The following CTSB variants were observed in gnomAD, a reference collection of about 807,000 sequenced individuals.
The protein encoded by CTSB is APP secretase.
A neutral mutation model predicts 44.3 loss-of-function variants in CTSB; 57 were observed. The ratio of observed to expected loss-of-function variants is 1.29; its 90% CI spans 1.04 to 1.60. CTSB has a LOEUF of 1.60. Ranked by LOEUF, CTSB falls within the 40% of genes most tolerant of loss-of-function variation. The pLI, the probability that CTSB is intolerant of heterozygous loss-of-function variation, is 0.00. For missense variants in CTSB, 768 were observed against 443.0 expected, an observed-to-expected ratio of 1.73 and a Z score of -6.59; for synonymous variants, 320 against 168.0, an observed-to-expected ratio of 1.91 and a Z score of -7.00.
rs146909557 is a variant in CTSB, at chr8:11,845,734, C to T, written c.849G>A (p.Leu283=). 728 of 1,614,160 alleles carry T rather than the reference C, an allele frequency of 4.5e-4. 4 individuals carry two copies. In the African/African-American group the frequency reaches 7.6e-3, roughly 17 times the overall value. ...EMMGGHAIRI[L]GWGVENGTPY... is the part of the protein sequence containing the mutation. Reference sequence around the variant, plus strand: ...GTGTGCCATTCTCCACTCCCCAGCCCAGGATGCGGATGGCATGGCCACCCA... The same window carrying T: ...GTGTGCCATTCTCCACTCCCCAGCCTAGGATGCGGATGGCATGGCCACCCA... The change falls in exon 9 of 10, where the codon CTG becomes CTA. Residue 283 remains leucine (L), a synonymous_variant. Coordinates refer to ENST00000353047, the MANE Select transcript of CTSB (RefSeq NM_001908.5).
At chr8:11,845,409 G>A (rs373539510) in intron 9 of CTSB, among the ~76,000 whole-genome samples, 187 bp from the exon 10 acceptor site, 25 of 152,174 alleles carry the variant, frequency 1.6e-4, no homozygotes, top group Admixed American at 1.2e-3. Context: ...CCCCCTGCCC[G>A]GTCACCCTTC....
chr8:11,864,898 G>C (rs1816906165), intron 1 of CTSB, among the ~76,000 whole-genome samples: 1 of 65,946 alleles, frequency 1.5e-5, no homozygotes, highest in Non-Finnish European at 2.9e-5. Context: ...GGGTGACAGA[G>C]TGAAACTGTC....
At chr8:11,861,520 CA>C (rs1227989514) in intron 1 of CTSB, 4 of 152,336 alleles carry the variant, frequency 2.6e-5, no homozygotes, top group Admixed American at 1.3e-4. Flanking sequence ...ACAGCAACCC[CA>C]CATCCTGCAG....
At chr8:11,847,844 C>G (rs751320720) in intron 6 of CTSB, 22 bp from the exon 7 acceptor site, 1 of 1,579,946 alleles carries the variant, frequency 6.3e-7, no homozygotes, top group South Asian at 1.2e-5. Flanking sequence ...CGGGAGAAAG[C>G]GGAGTCAACC....
chr8:11,852,244 G>A (rs570948607), intron 3 of CTSB, among the ~76,000 whole-genome samples: 1 of 152,104 alleles, frequency 6.6e-6, no homozygotes, highest in African/African-American at 2.4e-5. Flanking sequence ...GGTGGTGCAA[G>A]CCTGTGGCCC....
At chr8:11,861,121 C>CA (rs1037303729) in intron 1 of CTSB, among the ~76,000 whole-genome samples, 1 of 152,170 alleles carries the variant, frequency 6.6e-6, no homozygotes, top group Non-Finnish European at 1.5e-5. Flanking sequence ...AAATTAAGGA[C>CA]AAAAACAAAA....
chr8:11,851,973 G>A (rs779530229), intron 3 of CTSB, among the ~76,000 whole-genome samples: 1 of 152,162 alleles, frequency 6.6e-6, no homozygotes, highest in Non-Finnish European at 1.5e-5. Context: ...GGCCTCATCT[G>A]GCTTTTCTTA....
In CTSB at chr8:11,844,020, C is replaced by G. The variant is rs1315623605; in HGVS notation, c.*1105G>C. 1 of 135,912 alleles carries G rather than the reference C, an allele frequency of 7.4e-6. No homozygotes were observed. The highest frequency in any genetic ancestry group is 1.5e-5 in the Non-Finnish European group (1 of 67,130). 8.4% of individuals were successfully genotyped at this position (135,912 alleles called of 1,614,324 possible). A position where few individuals can be genotyped will look rare whatever the true frequency, so the allele number is the denominator to read the frequency against. ...TGCACTCCAGCCTGGGAGACGGAAT[C>G]TCACTCTGTCAGTCACAACAACAAC... On this transcript the variant is annotated 3_prime_UTR_variant, in exon 10 of 10. Transcript: ENST00000353047.
At chr8:11,863,895 C>T (rs115338869) in intron 1 of CTSB, among the ~76,000 whole-genome samples, 111 of 152,256 alleles carry the variant, frequency 7.3e-4, no homozygotes, top group African/African-American at 2.6e-3. Context: ...ATGAACACAC[C>T]TCATGACCCA....
chr8:11,867,645 C>G (rs1286825585), intron 1 of CTSB: 1 of 152,266 alleles, frequency 6.6e-6, no homozygotes, highest in African/African-American at 2.4e-5. Flanking sequence ...GCAGCAGTCT[C>G]CGGACCCGGC....
At chr8:11,852,781 G>T (rs1290582769) in intron 2 of CTSB, 86 bp from the exon 3 acceptor site, 5 of 1,278,426 alleles carry the variant, frequency 3.9e-6, no homozygotes, top group Non-Finnish European at 5.6e-6. Flanking sequence ...CCAACCCAGG[G>T]AAAACCAGAG....
Position 11,845,709 on chromosome 8 carries a change from G to T in CTSB, c.874C>A (p.Pro292Thr). The change falls in exon 9 of 10, where the codon CCC (proline) becomes ACC (threonine). Residue 292 changes from proline to threonine, a missense_variant. Transcript: ENST00000353047. ...ILGWGVENGTPYWLVANSWNT... is the reference protein window; with the variant it reads ...ILGWGVENGTTYWLVANSWNT... ...CAGGAGTTGGCAACCAGCCAGTAGG[G>T]TGTGCCATTCTCCACTCCCCAGCCC... The T allele has an allele frequency of 6.2e-7, 1 of 1,614,132 alleles. No individual in the cohort carries two copies. Among genetic ancestry groups the T allele is most frequent in the Non-Finnish European group, 8.5e-7 (1 of 1,179,968 alleles).
rs971311670 is a variant in CTSB, at chr8:11,843,346, T to C, written c.*1779A>G. ...TTTGATCTAGCATCTGGTTCCTAAA[T>C]TCTGAGTCACATCAGAAGCCAAACT... is the stretch of plus-strand genomic sequence containing the variant. On this transcript the variant is annotated 3_prime_UTR_variant, in exon 10 of 10. Transcript: ENST00000353047. 6.6e-6 allele frequency: 1 copy of C among 152,184 alleles called. No individual in the cohort carries two copies. The highest frequency in any genetic ancestry group is 2.4e-5 in the African/African-American group (1 of 41,432). The allele number at this position is 152,184 out of a possible 1,614,324, so 9.4% of individuals were successfully genotyped here.
Position 11,844,962 on chromosome 8 carries a change from G to C in CTSB, c.*163C>G, listed in dbSNP as rs191394070. On this transcript the variant is annotated 3_prime_UTR_variant, in exon 10 of 10. Transcript: ENST00000353047. ...CTGTCTGCACTGTAACCACAGGCTG[G>C]GATGTAGCCAGGACTTGGTCTCCTT... 8.1e-4 allele frequency: 496 copies of C among 615,038 alleles called. 4 individuals carry two copies. The African/African-American group carries it at 8.3e-3, about 10-fold the overall frequency. 38.1% of individuals were successfully genotyped at this position (615,038 alleles called of 1,614,324 possible). A position where few individuals can be genotyped will look rare whatever the true frequency, so the allele number is the denominator to read the frequency against.
In CTSB at chr8:11,845,144, TGATCGGTGCG is replaced by T. The variant is rs1563375048; in HGVS notation, c.991_1000del (p.Arg331SerfsTer29). On this transcript the variant is annotated frameshift_variant, in exon 10 of 10. Coordinates refer to ENST00000353047, the MANE Select transcript of CTSB (RefSeq NM_001908.5). LOFTEE classifies it high-confidence loss of function. ...GGCAGATTAGATCTTTTCCCAGTAC[TGATCGGTGCG>T]TGGAATTCCAGCCACCACTTCTGAT... The T allele has an allele frequency of 1.2e-6, 2 of 1,613,450 alleles. No homozygotes were observed. The highest frequency in any genetic ancestry group is 1.7e-6 in the Non-Finnish European group (2 of 1,179,456).
In CTSB at chr8:11,852,669, G is replaced by C. The variant is rs139610342; in HGVS notation, c.153C>G (p.Asp51Glu). Residue 51 changes from aspartate (D) to glutamate (E), a missense_variant, in exon 3 of 10, where the codon GAC (aspartate) becomes GAG (glutamate). Physicochemically the swap from Asp to Glu is conservative, Grantham distance 45 (BLOSUM62 2). Transcript: ENST00000353047. ...WQAGHNFYNV[D>E]MSYLKRLCGT... Reference sequence around the variant, plus strand: ...CACATAGCCTCTTCAAGTAGCTCATGTCCACGTTGTAGAAGTTGTGCCCGG... The same window carrying C: ...CACATAGCCTCTTCAAGTAGCTCATCTCCACGTTGTAGAAGTTGTGCCCGG... The C allele has an allele frequency of 6.2e-7, 1 of 1,614,066 alleles. No individual in the cohort carries two copies. The highest frequency in any genetic ancestry group is 1.7e-5 in the Admixed American group (1 of 60,022).
At position 11,852,688 on chromosome 8, in the gene CTSB, T is replaced by C; in HGVS notation, c.134A>G (p.His45Arg). 1 of 1,613,962 alleles carries C rather than the reference T, an allele frequency of 6.2e-7. No individual in the cohort carries two copies. Among genetic ancestry groups the C allele is most frequent in the Non-Finnish European group, 8.5e-7 (1 of 1,180,002 alleles). Residue 45 changes from histidine to arginine, a missense_variant, in exon 3 of 10, where the codon CAC (histidine) becomes CGC (arginine). By Grantham distance (29) the His-to-Arg change is conservative. Coordinates refer to ENST00000353047, the MANE Select transcript of CTSB (RefSeq NM_001908.5). ...NKRNTTWQAG[H>R]NFYNVDMSYL... ...GCTCATGTCCACGTTGTAGAAGTTG[T>C]GCCCGGCCTGGAAGAGAGTCACCCA...
chr8:11,854,662 G>A (rs904733375), intron 1 of CTSB: 23 of 152,146 alleles, frequency 1.5e-4, no homozygotes, highest in African/African-American at 5.6e-4. Context: ...TGTATTTTTA[G>A]TAGAGATGGG....
intron 4 of CTSB, among the ~76,000 whole-genome samples, chr8:11,850,360 A>T (rs1017009267): frequency 2.2e-5 from 3 of 139,412 alleles, no homozygotes; most frequent in African/African-American, 8.1e-5. Flanking sequence ...CAGAGGTTGC[A>T]GTGAGCCAAT....
Sources: gnomAD v4.1 joint callset for allele counts (sites outside exome capture counted in the v4.1 genomes callset) on GRCh38, gnomAD v4.1.1 for gene constraint, MANE v1.5 for transcripts, NCBI Gene and HGNC (gene_info 2026-07-23, HGNC 2026-07-21) for gene names.